The following TMTC2 variants were observed in gnomAD, a reference collection of about 807,000 sequenced individuals.
TMTC2 encodes protein O-mannosyl-transferase TMTC2.
Under a neutral mutation model 82.4 loss-of-function variants are expected in TMTC2, and 43 were observed. The ratio of observed to expected loss-of-function variants is 0.52; its 90% CI spans 0.41 to 0.67. The LOEUF (loss-of-function observed/expected upper bound fraction) is 0.67, where lower values mean the gene tolerates loss of function less well. Ranked by LOEUF, TMTC2 falls within the 30% of genes least tolerant of loss-of-function variation. The pLI, the probability that TMTC2 is intolerant of heterozygous loss-of-function variation, is 0.00. For missense variants in TMTC2, 919 were observed against 1,012.4 expected (o/e 0.91, Z 1.25); for synonymous variants, 408 against 381.9 (o/e 1.07, Z -0.80).
At chr12:83,028,921 A>T (rs1160889777) in intron 8 of TMTC2, among the ~76,000 whole-genome samples, 1 of 152,188 alleles carries the variant, frequency 6.6e-6, no homozygotes, top group African/African-American at 2.4e-5. Flanking sequence ...AAAATTTTTA[A>T]TTACTGCTAT....
chr12:83,105,879 A>G (rs1419256632), intron 11 of TMTC2, among the ~76,000 whole-genome samples: 1 of 152,260 alleles, frequency 6.6e-6, no homozygotes, highest in East Asian at 1.9e-4. Flanking sequence ...CAAGACCCCA[A>G]GGAAGTAATC....
chr12:82,730,656 T>TA (rs1257205568), intron 1 of TMTC2, among the ~76,000 whole-genome samples: 1 of 152,190 alleles, frequency 6.6e-6, no homozygotes, highest in East Asian at 1.9e-4. Flanking sequence ...GTTTAAGAGT[T>TA]AAGAGTGAGG....
At chr12:82,886,678 A>T (rs1195334868) in intron 2 of TMTC2, among the ~76,000 whole-genome samples, 1 of 152,096 alleles carries the variant, frequency 6.6e-6, no homozygotes, top group African/African-American at 2.4e-5. Context: ...CTTGTCTGTT[A>T]GTTGGTGTGG....
At chr12:82,949,406 T>C (rs1196093053) in intron 4 of TMTC2, among the ~76,000 whole-genome samples, 1 of 152,212 alleles carries the variant, frequency 6.6e-6, no homozygotes, top group Non-Finnish European at 1.5e-5. Context: ...TTCCAGAAGA[T>C]ATATATGGAC....
chr12:82,947,552 G>T (rs575401188), intron 4 of TMTC2, among the ~76,000 whole-genome samples: 3 of 145,084 alleles, frequency 2.1e-5, no homozygotes, highest in African/African-American at 8.6e-5. Flanking sequence ...CCGTGGTCTC[G>T]ATCTCCTGAC....
At chr12:82,984,273 T>C (rs775223497) in intron 7 of TMTC2, among the ~76,000 whole-genome samples, 2 of 152,062 alleles carry the variant, frequency 1.3e-5, no homozygotes, top group Non-Finnish European at 1.5e-5. Flanking sequence ...GTTTAAGGAG[T>C]GTTCATCGAA....
intron 11 of TMTC2, among the ~76,000 whole-genome samples, chr12:83,130,955 G>A (rs1363776187): frequency 1.3e-5 from 2 of 152,096 alleles, no homozygotes; most frequent in African/African-American, 4.8e-5. Flanking sequence ...ATTTATTCTA[G>A]CTATTCTACT....
At chr12:82,958,922 A>G (rs1877765246) in intron 4 of TMTC2, among the ~76,000 whole-genome samples, 1 of 152,158 alleles carries the variant, frequency 6.6e-6, no homozygotes. Context: ...TATACTCAGA[A>G]AACCCTAAAG....
intron 8 of TMTC2, among the ~76,000 whole-genome samples, chr12:83,006,892 G>A (rs2137378687): frequency 6.6e-6 from 1 of 152,258 alleles, no homozygotes; most frequent in Admixed American, 6.5e-5. Context: ...ACTCATAGGT[G>A]GGAATTGAAC....
At chr12:82,951,056 G>A (rs12299881) in intron 4 of TMTC2, among the ~76,000 whole-genome samples, 2 of 152,204 alleles carry the variant, frequency 1.3e-5, no homozygotes, top group Non-Finnish European at 2.9e-5. Context: ...AAGGATACCA[G>A]AGAGAGGGCT....
intron 1 of TMTC2, among the ~76,000 whole-genome samples, chr12:82,827,574 T>A (rs1395696515): frequency 2.0e-5 from 3 of 152,196 alleles, no homozygotes; most frequent in Admixed American, 2.0e-4. Flanking sequence ...AGATCTAGAG[T>A]TTTAAAGAAG....
At chr12:82,901,663 T>C (rs921220089) in intron 3 of TMTC2, among the ~76,000 whole-genome samples, 2 of 152,154 alleles carry the variant, frequency 1.3e-5, no homozygotes, top group Non-Finnish European at 2.9e-5. Flanking sequence ...TGTACTTTTT[T>C]CTTTCGACTC....
chr12:82,899,807 A>C (rs1418739383), intron 3 of TMTC2, among the ~76,000 whole-genome samples: 1 of 146,056 alleles, frequency 6.8e-6, no homozygotes, highest in African/African-American at 2.5e-5. Context: ...GAATATATAT[A>C]TATCCGGAAT....
chr12:82,792,775 G>A (rs1373333762), intron 1 of TMTC2, among the ~76,000 whole-genome samples: 3 of 151,848 alleles, frequency 2.0e-5, no homozygotes, highest in Non-Finnish European at 4.4e-5. Flanking sequence ...CTGGCCTCTC[G>A]ATGTTACTTT....
intron 8 of TMTC2, among the ~76,000 whole-genome samples, chr12:83,026,705 A>AGTGTGTGTGT (rs67900968): frequency 2.2e-4 from 32 of 143,016 alleles, no homozygotes; most frequent in South Asian, 1.4e-3. Flanking sequence ...TGATTGAAGG[A>AGTGTGTGTGT]GTGTGTGTGT....
In TMTC2 at chr12:82,896,664, G is replaced by C; in HGVS notation, c.1483+18G>C. 1 of 1,564,304 alleles carries C rather than the reference G, an allele frequency of 6.4e-7. No individual in the cohort carries two copies. Among genetic ancestry groups the C allele is most frequent in the Non-Finnish European group, 8.7e-7 (1 of 1,154,876 alleles). On this transcript the variant is annotated intron_variant, in intron 3 of 11. Transcript: ENST00000321196. ...AGCTAAAGGTAATCTTTTATTTTAT[G>C]CTTTTGTCTGGATAGTTTACACTTT...
At chr12:82,723,397 A>G (rs1438195892) in intron 1 of TMTC2, among the ~76,000 whole-genome samples, 5 of 152,130 alleles carry the variant, frequency 3.3e-5, no homozygotes, top group Admixed American at 3.3e-4. Context: ...GATCTAATAA[A>G]GGTTTATTAT....
intron 1 of TMTC2, among the ~76,000 whole-genome samples, chr12:82,802,400 G>A (rs1879054606): frequency 6.6e-6 from 1 of 152,178 alleles, no homozygotes; most frequent in Non-Finnish European, 1.5e-5. Context: ...CTCCCACAGT[G>A]CAGTGGTGGG....
At chr12:82,688,363 G>T (rs968063250) in intron 1 of TMTC2, among the ~76,000 whole-genome samples, 1 of 152,170 alleles carries the variant, frequency 6.6e-6, no homozygotes, top group Non-Finnish European at 1.5e-5. Context: ...AATTGGAGAA[G>T]AAGACGCCCC....
Sources: allele counts gnomAD v4.1 joint callset (sites outside exome capture counted in the v4.1 genomes callset), GRCh38; gene constraint gnomAD v4.1.1; transcripts MANE v1.5; gene names NCBI Gene and HGNC (gene_info 2026-07-23, HGNC 2026-07-21).